PPFIA2: variants seen among roughly 807,000 people sequenced by gnomAD.
PPFIA2 encodes liprin-alpha-2.
A neutral mutation model predicts 175.5 loss-of-function variants in PPFIA2; 46 were observed. The ratio of observed to expected loss-of-function variants is 0.26; its 90% CI spans 0.21 to 0.34. PPFIA2 has a LOEUF of 0.34. PPFIA2 is among the 10% of genes least tolerant of loss of function. The pLI, the probability that PPFIA2 is intolerant of heterozygous loss-of-function variation, is 1.00. For synonymous variants in PPFIA2, 568 were observed against 511.4 expected, an observed-to-expected ratio of 1.11 and a Z score of -1.49; for missense variants, 1,179 against 1,506.1, an observed-to-expected ratio of 0.78 and a Z score of 3.60.
At chr12:81,565,996 C>T (rs2071204933) in intron 4 of PPFIA2, among the ~76,000 whole-genome samples, 1 of 152,156 alleles carries the variant, frequency 6.6e-6, no homozygotes, top group African/African-American at 2.4e-5. Context: ...GAAAGCACAT[C>T]TTCTCTGTGG....
intron 28 of PPFIA2, among the ~76,000 whole-genome samples, chr12:81,272,845 G>A (rs1425937075): frequency 6.6e-6 from 1 of 152,120 alleles, no homozygotes; most frequent in African/African-American, 2.4e-5. Context: ...ATCAATGCTA[G>A]ATTTCAATTT....
intron 3 of PPFIA2, among the ~76,000 whole-genome samples, chr12:81,685,786 G>T (rs1030090510): frequency 3.9e-5 from 6 of 152,048 alleles, no homozygotes; most frequent in Non-Finnish European, 1.5e-5. Context: ...TTGCCAGATT[G>T]TACTTTATTT....
At chr12:81,433,067 C>A (rs1273704359) in intron 7 of PPFIA2, among the ~76,000 whole-genome samples, 2 of 151,668 alleles carry the variant, frequency 1.3e-5, no homozygotes, top group Admixed American at 6.6e-5. Context: ...ACCTTTAGTG[C>A]TTTCTCATTT....
At chr12:81,377,601 A>C (rs2036675662) in intron 9 of PPFIA2, among the ~76,000 whole-genome samples, 1 of 151,658 alleles carries the variant, frequency 6.6e-6, no homozygotes, top group Non-Finnish European at 1.5e-5. Context: ...GAAACTCATC[A>C]TGTTGTCCCT....
chr12:81,480,726 G>A (rs2058108485), intron 4 of PPFIA2, among the ~76,000 whole-genome samples: 1 of 152,046 alleles, frequency 6.6e-6, no homozygotes, highest in African/African-American at 2.4e-5. Context: ...GTTTGCCTGG[G>A]TATCACCAGA....
intron 3 of PPFIA2, among the ~76,000 whole-genome samples, chr12:81,710,086 T>A (rs182844836): frequency 4.4e-4 from 67 of 152,170 alleles, no homozygotes; most frequent in Admixed American, 3.6e-3. Context: ...TTTGTTGATT[T>A]CTAAGATCTA....
At chr12:81,515,041 T>A (rs1432304492) in intron 4 of PPFIA2, among the ~76,000 whole-genome samples, 1 of 152,018 alleles carries the variant, frequency 6.6e-6, no homozygotes, top group East Asian at 1.9e-4. Context: ...AGAGAAAGTA[T>A]GTGTTTCTAT....
chr12:81,541,192 C>G (rs2066157563), intron 4 of PPFIA2, among the ~76,000 whole-genome samples: 1 of 151,920 alleles, frequency 6.6e-6, no homozygotes, highest in Non-Finnish European at 1.5e-5. Flanking sequence ...ATTTAGGCTG[C>G]TACACAGAAT....
At chr12:81,708,071 T>C (rs2077434004) in intron 3 of PPFIA2, among the ~76,000 whole-genome samples, 1 of 149,930 alleles carries the variant, frequency 6.7e-6, no homozygotes, top group African/African-American at 2.4e-5. Context: ...TACCTAATGC[T>C]AGATGACGAG....
intron 3 of PPFIA2, among the ~76,000 whole-genome samples, chr12:81,702,950 C>T (rs917774682): frequency 2.6e-5 from 4 of 152,068 alleles, no homozygotes; most frequent in African/African-American, 9.7e-5. Flanking sequence ...ACCAAATCTA[C>T]CAGCCTTTAA....
At chr12:81,417,904 T>C (rs558868118) in intron 7 of PPFIA2, among the ~76,000 whole-genome samples, 1 of 151,914 alleles carries the variant, frequency 6.6e-6, no homozygotes, top group African/African-American at 2.4e-5. Flanking sequence ...TCTGCCTCCC[T>C]AAATCTCAGT....
At chr12:81,640,249 T>C (rs2064778651) in intron 4 of PPFIA2, among the ~76,000 whole-genome samples, 1 of 152,036 alleles carries the variant, frequency 6.6e-6, no homozygotes, top group African/African-American at 2.4e-5. Context: ...TCTTTACCTA[T>C]ACGATACATT....
chr12:81,563,335 C>CA (rs1257687042), intron 4 of PPFIA2, among the ~76,000 whole-genome samples: 2 of 152,320 alleles, frequency 1.3e-5, no homozygotes, highest in Non-Finnish European at 2.9e-5. Flanking sequence ...GCTTTTCATA[C>CA]ATGTACAACC....
rs1225839825 is a variant in PPFIA2 at position 81,424,489 on chromosome 12, C to T, written c.645+15483G>A. The stretch of plus-strand genomic sequence containing the variant: ...GGAATACTACTGATATTTACATATA[C>T]ATTTTTATATTACTTTATTAAGTTC... On this transcript the variant is annotated intron_variant, in intron 7 of 32. Coordinates refer to ENST00000549396, the MANE Select transcript of PPFIA2 (RefSeq NM_003625.5). 2.0e-5 allele frequency among the ~76,000 whole-genome samples: 3 copies of T among 152,230 alleles called. No individual in the cohort carries two copies. The East Asian group carries it at 5.8e-4, about 29-fold the overall frequency.
At chr12:81,628,866 T>C (rs2063034641) in intron 4 of PPFIA2, among the ~76,000 whole-genome samples, 1 of 152,182 alleles carries the variant, frequency 6.6e-6, no homozygotes, top group African/African-American at 2.4e-5. Context: ...TCAGAAGCCA[T>C]TCTTTTTAGA....
At chr12:81,348,203 A>G (rs2059397995) in intron 17 of PPFIA2, among the ~76,000 whole-genome samples, 2 of 152,296 alleles carry the variant, frequency 1.3e-5, no homozygotes, top group South Asian at 4.1e-4. Flanking sequence ...TTATAATTAC[A>G]TGTAAATATC....
chr12:81,601,715 A>T (rs776780713), intron 4 of PPFIA2, among the ~76,000 whole-genome samples: 1 of 151,806 alleles, frequency 6.6e-6, no homozygotes, highest in Non-Finnish European at 1.5e-5. Context: ...CCAACATTTC[A>T]TCTAGTACTG....
chr12:81,305,496 G>C (rs2048920813), intron 22 of PPFIA2, among the ~76,000 whole-genome samples: 2 of 152,008 alleles, frequency 1.3e-5, no homozygotes, highest in Admixed American at 6.6e-5. Context: ...TGCATTTCCA[G>C]ATTTACCTAC....
intron 3 of PPFIA2, among the ~76,000 whole-genome samples, chr12:81,721,191 C>A (rs749921477): frequency 6.6e-6 from 1 of 150,938 alleles, no homozygotes; most frequent in Non-Finnish European, 1.5e-5. Context: ...GAAAGGGGTG[C>A]AGAAAGGGCC....
Sources: gnomAD v4.1 joint callset for allele counts (sites outside exome capture counted in the v4.1 genomes callset) on GRCh38, gnomAD v4.1.1 for gene constraint, MANE v1.5 for transcripts, NCBI Gene and HGNC (gene_info 2026-07-23, HGNC 2026-07-21) for gene names.